Variants in PIK3R1 observed in about 807,000 individuals in gnomAD.
The protein encoded by PIK3R1 is phosphatidylinositol 3-kinase regulatory subunit alpha.
PIK3R1 carries 29 observed loss-of-function variants against 98.0 expected under a neutral mutation model. The ratio of observed to expected loss-of-function variants is 0.30; its 90% CI spans 0.22 to 0.40. The LOEUF (loss-of-function observed/expected upper bound fraction) is 0.40. PIK3R1 is among the 10% of genes least tolerant of loss of function. The pLI is 1.00. For missense variants in PIK3R1, 596 were observed against 872.7 expected, an observed-to-expected ratio of 0.68 and a Z score of 3.99; for synonymous variants, 282 against 311.8, an observed-to-expected ratio of 0.90 and a Z score of 1.01.
At chr5:68,233,702 G>A (rs1394770806) in intron 2 of PIK3R1, among the ~76,000 whole-genome samples, 1 of 152,126 alleles carries the variant, frequency 6.6e-6, no homozygotes, top group Admixed American at 6.5e-5. Context: ...AACAAAACAT[G>A]GTATACATTG....
rs1179558882 is a variant in PIK3R1, at chr5:68,262,702, G to T, written c.335-10688G>T. Among the ~76,000 whole-genome samples the T allele has an allele frequency of 1.6e-3, 59 of 36,328 alleles. 1 individual carries two copies. The highest frequency in any genetic ancestry group is 7.3e-3 in the African/African-American group (56 of 7,700). The allele number at this position is 36,328 out of a possible 152,430, so 23.8% of individuals were successfully genotyped here. On this transcript the variant is annotated intron_variant, in intron 2 of 15. Coordinates refer to ENST00000521381, the MANE Select transcript of PIK3R1 (RefSeq NM_181523.3). ...ATGTATCTGCATGTATACACATGTAGATGCATGTAGATGCATGTATACATA... is the reference window on the plus strand; with the variant it reads ...ATGTATCTGCATGTATACACATGTATATGCATGTAGATGCATGTATACATA...
At chr5:68,277,914 G>A (rs571821051) in intron 4 of PIK3R1, among the ~76,000 whole-genome samples, 4 of 152,192 alleles carry the variant, frequency 2.6e-5, no homozygotes, top group South Asian at 4.1e-4. Flanking sequence ...TGTTACAAAC[G>A]TAGTATCTTG....
intron 2 of PIK3R1, among the ~76,000 whole-genome samples, chr5:68,255,407 C>T (rs1409194499): frequency 2.0e-5 from 3 of 152,246 alleles, no homozygotes; most frequent in South Asian, 2.1e-4. Flanking sequence ...GGTCAGCCTC[C>T]GATTCAGCCT....
chr5:68,224,359 A>G (rs556566517), intron 1 of PIK3R1, among the ~76,000 whole-genome samples: 2 of 152,294 alleles, frequency 1.3e-5, no homozygotes, highest in African/African-American at 2.4e-5. Flanking sequence ...GATATGCTCT[A>G]TTGGTTGCTT....
intron 1 of PIK3R1, 150 bp from the exon 2 acceptor site, chr5:68,226,140 A>G (rs1561257347): frequency 6.6e-6 from 2 of 301,760 alleles, no homozygotes; most frequent in Admixed American, 9.9e-5. Context: ...GGACTGCCTT[A>G]CTAATCTCTG....
intron 2 of PIK3R1, among the ~76,000 whole-genome samples, chr5:68,253,833 G>C (rs1191359984): frequency 6.6e-6 from 1 of 152,098 alleles, no homozygotes; most frequent in East Asian, 1.9e-4. Context: ...ACATCCTTTG[G>C]TGTAGTCATA....
At chr5:68,295,117 A>T in intron 12 of PIK3R1, 31 bp from the exon 13 acceptor site, 1 of 1,597,640 alleles carries the variant, frequency 6.3e-7, no homozygotes, top group South Asian at 1.1e-5. Flanking sequence ...ATGTACCCAG[A>T]TAATAACAAA....
At chr5:68,267,568 A>G (rs919647292) in intron 2 of PIK3R1, among the ~76,000 whole-genome samples, 1 of 152,122 alleles carries the variant, frequency 6.6e-6, no homozygotes, top group African/African-American at 2.4e-5. Context: ...AAAATAATGT[A>G]GTTATGGCTG....
chr5:68,228,708 C>T (rs1310208508), intron 2 of PIK3R1, among the ~76,000 whole-genome samples: 2 of 97,070 alleles, frequency 2.1e-5, no homozygotes, highest in African/African-American at 1.3e-4. Context: ...TTTACAGAAT[C>T]ATAAAAATAG....
chr5:68,241,330 G>C (rs1744865332), intron 2 of PIK3R1, among the ~76,000 whole-genome samples: 1 of 150,786 alleles, frequency 6.6e-6, no homozygotes, highest in Non-Finnish European at 1.5e-5. Flanking sequence ...TGGGCATGTA[G>C]TTGAATAATT....
At position 68,226,607 on chromosome 5, in the gene PIK3R1, A is replaced by G. The variant is rs1744283692; in HGVS notation, c.-69A>G. 7 of 1,287,360 alleles carry G rather than the reference A, an allele frequency of 5.4e-6. No individual in the cohort carries two copies. In the East Asian group the frequency reaches 1.2e-4, roughly 21 times the overall value. The allele number at this position is 1,287,360 out of a possible 1,614,324, so 79.7% of individuals were successfully genotyped here. A position where few individuals can be genotyped will look rare whatever the true frequency, so the allele number is the denominator to read the frequency against. Reference sequence around the variant, plus strand: ...AACACATTCTCTGAATTCACTTTTCATAAAAACGTAAAATCAGACTGCTCT... The same window carrying G: ...AACACATTCTCTGAATTCACTTTTCGTAAAAACGTAAAATCAGACTGCTCT... On this transcript the variant is annotated 5_prime_UTR_variant, in exon 2 of 16. Coordinates refer to ENST00000521381, the MANE Select transcript of PIK3R1 (RefSeq NM_181523.3).
At position 68,262,954 on chromosome 5, in the gene PIK3R1, TAG is replaced by T. The variant is rs1359725176; in HGVS notation, c.335-10434_335-10433del. Among the ~76,000 whole-genome samples the T allele has an allele frequency of 1.7e-4, 11 of 63,916 alleles. 3 individuals are homozygous for T. The highest frequency in any genetic ancestry group is 5.4e-4 in the African/African-American group (7 of 12,968). The allele number at this position is 63,916 out of a possible 152,430, so 41.9% of individuals were successfully genotyped here. A position where few individuals can be genotyped will look rare whatever the true frequency, so the allele number is the denominator to read the frequency against. On this transcript the variant is annotated intron_variant, in intron 2 of 15. Transcript: ENST00000521381. ...ATACATATATACATGTAGATACATG[TAG>T]ATACATGTATACATATATACATGTA...
intron 7 of PIK3R1, 27 bp from the exon 8 acceptor site, chr5:68,292,232 G>A (rs377443575): frequency 4.4e-5 from 65 of 1,490,982 alleles, no homozygotes; most frequent in Non-Finnish European, 5.1e-5. Flanking sequence ...TTGGGATTGC[G>A]AACAACTTTT....
Position 68,295,232 on chromosome 5 carries a change from G to A in PIK3R1, c.1653G>A (p.Lys551=), listed in dbSNP as rs775385667. The A allele has an allele frequency of 6.2e-6, 10 of 1,613,918 alleles. No homozygotes were observed. The highest frequency in any genetic ancestry group is 8.5e-6 in the Non-Finnish European group (10 of 1,179,900). Residue 551 remains lysine, a synonymous_variant, in exon 13 of 16, where the codon AAG becomes AAA. Transcript: ENST00000521381. ...GAAGATTGGAAGAAGACTTGAAGAA[G>A]CAGGCAGCTGAGTATCGAGAAATTG... The part of the protein sequence containing the change: ...SRRRLEEDLK[K]QAAEYREIDK...
chr5:68,296,281 G>A lies in PIK3R1; in HGVS notation c.1925G>A (p.Arg642Gln), dbSNP rs143171832. Residue 642 changes from arginine (R) to glutamine (Q), a missense_variant, in exon 15 of 16, where the codon CGA becomes CAA. By Grantham distance (43) the Arg-to-Gln change is conservative (BLOSUM62 1). This residue lies in a region of PIK3R1 where 207 missense variants were observed against 361.4 expected (regional missense o/e 0.57). Transcript: ENST00000521381. ...NKAENLLRGK[R>Q]DGTFLVRESS... ...GCTGAAAACCTGTTGCGAGGGAAGC[G>A]AGATGGCACTTTTCTTGTCCGGGAG... 21 of 1,614,096 alleles carry A rather than the reference G, an allele frequency of 1.3e-5. No homozygotes were observed. Among genetic ancestry groups the A allele is most frequent in the African/African-American group, 2.7e-5 (2 of 74,934 alleles).
intron 5 of PIK3R1, 165 bp from the exon 6 acceptor site, chr5:68,280,363 C>T (rs575900091): frequency 3.5e-5 from 22 of 624,766 alleles, no homozygotes; most frequent in Middle Eastern, 4.4e-4. Flanking sequence ...TCTCATAATG[C>T]GTTTTCTAAT....
intron 2 of PIK3R1, among the ~76,000 whole-genome samples, chr5:68,257,439 C>A (rs1283343487): frequency 6.6e-6 from 1 of 151,854 alleles, no homozygotes; most frequent in East Asian, 1.9e-4. Context: ...TTCTTTTTAC[C>A]CCTTTGGCTG....
In PIK3R1 at chr5:68,298,032, G is replaced by A. The variant is rs887867144; in HGVS notation, c.*431G>A. The stretch of plus-strand genomic sequence containing the variant: ...AAGAACCCTGGCCTGAGAAGGTTTG[G>A]TCCAGCCTGGTTTAGCCTGGATGTT... On this transcript the variant is annotated 3_prime_UTR_variant, in exon 16 of 16. Transcript: ENST00000521381. 3 of 234,092 alleles carry A rather than the reference G, an allele frequency of 1.3e-5. No homozygotes were observed. In the Admixed American group the frequency reaches 1.7e-4, roughly 13 times the overall value. The allele number at this position is 234,092 out of a possible 1,614,324, so 14.5% of individuals were successfully genotyped here.
rs573233593 is a variant in PIK3R1 at position 68,280,523 on chromosome 5, T to G, written c.635-5T>G. On this transcript the variant is annotated splice_polypyrimidine_tract_variant and splice_region_variant and intron_variant, in intron 5 of 15. Coordinates refer to ENST00000521381, the MANE Select transcript of PIK3R1 (RefSeq NM_181523.3). ...TTCTCTTTTTTTTTTTTTTTAAACTTGTAGAAGTACAAAGCTCCGAAGAAT... is the reference window on the plus strand; with the variant it reads ...TTCTCTTTTTTTTTTTTTTTAAACTGGTAGAAGTACAAAGCTCCGAAGAAT... The G allele has an allele frequency of 3.8e-6, 6 of 1,584,818 alleles. No individual in the cohort carries two copies. The East Asian group carries it at 6.7e-5, about 18-fold the overall frequency.
Sources: allele counts gnomAD v4.1 joint callset (sites outside exome capture counted in the v4.1 genomes callset), GRCh38; gene constraint gnomAD v4.1.1; regional missense constraint gnomAD v4.1.1; transcripts MANE v1.5; gene names NCBI Gene and HGNC (gene_info 2026-07-23, HGNC 2026-07-21).